EFNA5: variants seen among roughly 807,000 people sequenced by gnomAD.
EFNA5 encodes ephrin A5.
In EFNA5, 5 loss-of-function variants were observed where a neutral mutation model predicts 22.9. The ratio of observed to expected loss-of-function variants is 0.22; its 90% CI spans 0.11 to 0.46. The LOEUF (loss-of-function observed/expected upper bound fraction) is 0.46. Among genes scored for constraint, EFNA5 ranks in the 20% least tolerant of loss-of-function variants. The probability of loss-of-function intolerance (pLI) is 0.99; values close to 1 mark genes in which losing one functional copy is unlikely to be tolerated. For synonymous variants in EFNA5, 113 were observed against 112.2 expected (o/e 1.01, Z -0.04); for missense variants, 237 against 293.3 (o/e 0.81, Z 1.40).
rs556438298 is a variant in EFNA5 at position 107,392,567 on chromosome 5, A to G, written c.419-4796T>C. ...TGAGATGACCGTTGCCTTGGGAGAG[A>G]CTCAAAGGATCCAGCTAAGCTGCAC... On this transcript the variant is annotated intron_variant, in intron 2 of 4. Transcript: ENST00000333274. Among the ~76,000 whole-genome samples the G allele has an allele frequency of 2.6e-5, 4 of 152,250 alleles. No homozygotes were observed. In the Middle Eastern group the frequency reaches 0.014, roughly 518 times the overall value.
Position 107,606,580 on chromosome 5 carries a change from C to G in EFNA5, c.125+63909G>C, listed in dbSNP as rs941237777. Among the ~76,000 whole-genome samples the G allele has an allele frequency of 4.7e-3, 645 of 137,610 alleles. 7 individuals carry two copies. The highest frequency in any genetic ancestry group is 0.015 in the African/African-American group (547 of 37,140). 90.3% of individuals were successfully genotyped at this position (137,610 alleles called of 152,430 possible). ...ACACACACACACACACACACACACA[C>G]ACAGAGCTAGTAATGCGGTATAGCA... On this transcript the variant is annotated intron_variant, in intron 1 of 4. Transcript: ENST00000333274.
At chr5:107,509,900 C>A (rs572110889) in intron 1 of EFNA5, among the ~76,000 whole-genome samples, 1 of 152,126 alleles carries the variant, frequency 6.6e-6, no homozygotes, top group Admixed American at 6.5e-5. Flanking sequence ...GAAATGATTA[C>A]GCCATTAGTT....
chr5:107,580,949 A>G (rs1278723897), intron 1 of EFNA5, among the ~76,000 whole-genome samples: 1 of 152,138 alleles, frequency 6.6e-6, no homozygotes, highest in Admixed American at 6.5e-5. Flanking sequence ...TCCTGATCTC[A>G]GCATTGAGCC....
intron 1 of EFNA5, among the ~76,000 whole-genome samples, chr5:107,468,164 T>G (rs1328700442): frequency 6.6e-6 from 1 of 152,174 alleles, no homozygotes; most frequent in East Asian, 1.9e-4. Context: ...AAAATCACAG[T>G]TTTTAAAATG....
intron 1 of EFNA5, among the ~76,000 whole-genome samples, chr5:107,447,953 T>C (rs1379902368): frequency 1.3e-5 from 2 of 152,054 alleles, no homozygotes; most frequent in African/African-American, 4.8e-5. Context: ...GTTCAAGCGA[T>C]TCTCTGCCTC....
intron 1 of EFNA5, among the ~76,000 whole-genome samples, chr5:107,517,174 T>C (rs995113223): frequency 1.3e-5 from 2 of 149,586 alleles, no homozygotes; most frequent in African/African-American, 4.9e-5. Flanking sequence ...AAAAAAAAGA[T>C]GGAAAAAAGT....
At chr5:107,513,775 G>GC (rs1468725151) in intron 1 of EFNA5, among the ~76,000 whole-genome samples, 3 of 152,126 alleles carry the variant, frequency 2.0e-5, no homozygotes, top group Non-Finnish European at 2.9e-5. Flanking sequence ...GCTCTATGTT[G>GC]TTTTTTCTTT....
At position 107,397,862 on chromosome 5, in the gene EFNA5, G is replaced by A. The variant is rs148211096; in HGVS notation, c.419-10091C>T. Among the ~76,000 whole-genome samples the A allele has an allele frequency of 3.4e-3, 511 of 152,268 alleles. 4 individuals are homozygous for A. Among genetic ancestry groups the A allele is most frequent in the African/African-American group, 0.012 (486 of 41,560 alleles). On this transcript the variant is annotated intron_variant, in intron 2 of 4. Coordinates refer to ENST00000333274, the MANE Select transcript of EFNA5 (RefSeq NM_001962.3). Reference sequence around the variant, plus strand: ...ATGATAAGGCTTTTATGTTGATTGAGTGGAGAAAAGGACAGCCAATCTCAG... The same window carrying A: ...ATGATAAGGCTTTTATGTTGATTGAATGGAGAAAAGGACAGCCAATCTCAG...
At chr5:107,440,307 G>T (rs1749221916) in intron 1 of EFNA5, among the ~76,000 whole-genome samples, 1 of 152,122 alleles carries the variant, frequency 6.6e-6, no homozygotes, top group South Asian at 2.1e-4. Context: ...CTACTTAAAT[G>T]CTTGTCTATC....
In EFNA5 at chr5:107,588,976, C is replaced by A. The variant is rs115744198; in HGVS notation, c.125+81513G>T. 3.2e-3 allele frequency among the ~76,000 whole-genome samples: 484 copies of A among 152,258 alleles called. 4 individuals carry two copies. Among genetic ancestry groups the A allele is most frequent in the African/African-American group, 0.011 (473 of 41,542 alleles). ...TTCTATAAAAGGTACCAAGGGTCCT[C>A]AACTTGCTCTAAAAAAAGGTTTCCA... On this transcript the variant is annotated intron_variant, in intron 1 of 4. Coordinates refer to ENST00000333274, the MANE Select transcript of EFNA5 (RefSeq NM_001962.3).
intron 1 of EFNA5, among the ~76,000 whole-genome samples, chr5:107,515,481 C>T (rs1405258910): frequency 5.4e-5 from 8 of 146,886 alleles, no homozygotes; most frequent in Non-Finnish European, 7.5e-5. Context: ...TGGGTTCAAA[C>T]GATTCTCCTG....
intron 1 of EFNA5, among the ~76,000 whole-genome samples, chr5:107,597,665 A>ATTT (rs1317167750): frequency 1.3e-5 from 2 of 152,194 alleles, no homozygotes; most frequent in African/African-American, 4.8e-5. Flanking sequence ...AAAACACTGA[A>ATTT]AATTAAGTGT....
At chr5:107,421,150 C>G (rs1748655543) in intron 2 of EFNA5, among the ~76,000 whole-genome samples, 1 of 152,116 alleles carries the variant, frequency 6.6e-6, no homozygotes, top group African/African-American at 2.4e-5. Context: ...AAAAATTGTA[C>G]AGTGAATATT....
At chr5:107,662,480 T>C (rs1183071012) in intron 1 of EFNA5, among the ~76,000 whole-genome samples, 2 of 152,160 alleles carry the variant, frequency 1.3e-5, no homozygotes, top group African/African-American at 4.8e-5. Context: ...GTATAAATTT[T>C]TAGTAAAGTT....
At chr5:107,430,214 A>G (rs1295501786) in intron 1 of EFNA5, among the ~76,000 whole-genome samples, 38 of 152,364 alleles carry the variant, frequency 2.5e-4, no homozygotes, top group Non-Finnish European at 2.9e-5. Context: ...CATCACTGCC[A>G]AAGTACAGAG....
At chr5:107,477,953 CTGAT>C (rs980556154) in intron 1 of EFNA5, among the ~76,000 whole-genome samples, 14 of 152,122 alleles carry the variant, frequency 9.2e-5, no homozygotes, top group African/African-American at 3.4e-4. Context: ...GGTAGCATAA[CTGAT>C]TGGTAGCAGT....
At chr5:107,388,385 A>G (rs957660887) in intron 2 of EFNA5, 1 of 152,244 alleles carries the variant, frequency 6.6e-6, no homozygotes, top group Admixed American at 6.5e-5. Flanking sequence ...TCATGCTATT[A>G]TAAGTACAAT....
intron 2 of EFNA5, among the ~76,000 whole-genome samples, chr5:107,397,143 C>T (rs1167006830): frequency 6.6e-6 from 1 of 151,780 alleles, no homozygotes; most frequent in Non-Finnish European, 1.5e-5. Context: ...GTCCCAACTA[C>T]TAGGGAGGCT....
intron 1 of EFNA5, among the ~76,000 whole-genome samples, chr5:107,638,399 T>C (rs1000530696): frequency 2.0e-5 from 3 of 152,118 alleles, no homozygotes; most frequent in Non-Finnish European, 2.9e-5. Flanking sequence ...AAATTTCAGT[T>C]AAGTGAAATA....
Sources: gnomAD v4.1 joint callset for allele counts (sites outside exome capture counted in the v4.1 genomes callset) on GRCh38, gnomAD v4.1.1 for gene constraint, MANE v1.5 for transcripts, NCBI Gene and HGNC (gene_info 2026-07-23, HGNC 2026-07-21) for gene names.